The following ULK4 variants were observed in gnomAD, a reference collection of about 807,000 sequenced individuals.
The protein encoded by ULK4 is inactive serine/threonine-protein kinase ULK4.
Under a neutral mutation model 160.6 loss-of-function variants are expected in ULK4, and 133 were observed. The observed-to-expected ratio is 0.83, with a 90% confidence interval of 0.72 to 0.96. The LOEUF (loss-of-function observed/expected upper bound fraction) is 0.96, where lower values mean the gene tolerates loss of function less well. Among genes scored for constraint, ULK4 ranks in the 40% least tolerant of loss-of-function variants. ULK4 has a pLI of 0.00. For synonymous variants in ULK4, 534 were observed against 539.8 expected (o/e 0.99, Z 0.15); for missense variants, 1,580 against 1,499.5 (o/e 1.05, Z -0.89).
chr3:41,742,087 A>C (rs926250795), intron 22 of ULK4, among the ~76,000 whole-genome samples: 1 of 151,894 alleles, frequency 6.6e-6, no homozygotes, highest in Non-Finnish European at 1.5e-5. Flanking sequence ...ACAGAAAATC[A>C]CATACAACCC....
intron 35 of ULK4, among the ~76,000 whole-genome samples, chr3:41,332,105 T>C (rs1045838531): frequency 1.3e-5 from 2 of 152,136 alleles, no homozygotes; most frequent in Non-Finnish European, 2.9e-5. Flanking sequence ...TAAAAGTTCA[T>C]GACTCTTTCT....
chr3:41,625,634 G>A (rs917480303), intron 30 of ULK4, among the ~76,000 whole-genome samples: 4 of 152,164 alleles, frequency 2.6e-5, no homozygotes, highest in Admixed American at 6.5e-5. Context: ...AATAATCATA[G>A]CAGATCTTAC....
intron 34 of ULK4, among the ~76,000 whole-genome samples, chr3:41,449,973 G>A (rs1471253636): frequency 1.3e-5 from 2 of 149,334 alleles, no homozygotes; most frequent in Non-Finnish European, 1.5e-5. Context: ...AGGCACACAT[G>A]ATTCATGTGA....
chr3:41,948,991 T>G (rs375964247), intron 2 of ULK4, among the ~76,000 whole-genome samples: 1 of 151,944 alleles, frequency 6.6e-6, no homozygotes, highest in Non-Finnish European at 1.5e-5. Flanking sequence ...TGTTTGCAAA[T>G]GATGTGATTG....
chr3:41,409,400 T>A (rs2082365480), intron 34 of ULK4, among the ~76,000 whole-genome samples: 1 of 152,060 alleles, frequency 6.6e-6, no homozygotes, highest in Non-Finnish European at 1.5e-5. Context: ...TTCATCAAAA[T>A]CTAAAACTGA....
At chr3:41,390,265 CTTCTTT>C (rs943253238) in intron 35 of ULK4, among the ~76,000 whole-genome samples, 5 of 151,942 alleles carry the variant, frequency 3.3e-5, no homozygotes, top group African/African-American at 1.2e-4. Flanking sequence ...TCTCTCTTTT[CTTCTTT>C]ATTAGTCTTG....
chr3:41,526,104 CT>C (rs2086107570), intron 32 of ULK4, among the ~76,000 whole-genome samples: 1 of 152,178 alleles, frequency 6.6e-6, no homozygotes, highest in Non-Finnish European at 1.5e-5. Context: ...CTCACACTTC[CT>C]TTGTGCTCCT....
intron 32 of ULK4, among the ~76,000 whole-genome samples, chr3:41,491,177 A>G (rs1320192308): frequency 6.6e-6 from 1 of 152,194 alleles, no homozygotes; most frequent in Non-Finnish European, 1.5e-5. Flanking sequence ...GCCCTACCAT[A>G]TTTTTGAATA....
At position 41,918,534 on chromosome 3, in the gene ULK4, G is replaced by A. The variant is rs1699052791; in HGVS notation, c.650C>T (p.Pro217Leu). ...TGAAATACTTTCTGAGAAGAATGGA[G>A]GTTTTCCTGAAATCACATGAAAACT... is the stretch of plus-strand genomic sequence containing the variant. ...CLLYEMFSGK[P>L]PFFSESISEL... The change falls in exon 7 of 37, where the codon CCT becomes CTT. Residue 217 changes from proline to leucine, a missense_variant. Coordinates refer to ENST00000301831, the MANE Select transcript of ULK4 (RefSeq NM_017886.4). 1.9e-6 allele frequency: 3 copies of A among 1,566,092 alleles called. No individual in the cohort carries two copies. The highest frequency in any genetic ancestry group is 2.6e-6 in the Non-Finnish European group (3 of 1,156,520).
At chr3:41,636,970 T>C (rs1314614558) in intron 30 of ULK4, among the ~76,000 whole-genome samples, 1 of 152,234 alleles carries the variant, frequency 6.6e-6, no homozygotes, top group Non-Finnish European at 1.5e-5. Context: ...AATTTTAAAA[T>C]GTATATATTG....
At chr3:41,427,342 A>T (rs1320004103) in intron 34 of ULK4, among the ~76,000 whole-genome samples, 1 of 147,074 alleles carries the variant, frequency 6.8e-6, no homozygotes, top group Non-Finnish European at 1.5e-5. Flanking sequence ...GTACAAAGAG[A>T]AGCTAGTACC....
intron 7 of ULK4, among the ~76,000 whole-genome samples, chr3:41,917,074 G>A (rs1033056868): frequency 3.2e-4 from 49 of 152,052 alleles, no homozygotes; most frequent in Non-Finnish European, 1.3e-4. Flanking sequence ...AAGAATATTT[G>A]CAATCCCTCT....
intron 32 of ULK4, among the ~76,000 whole-genome samples, chr3:41,477,961 T>G (rs1213661018): frequency 6.6e-6 from 1 of 152,240 alleles, no homozygotes; most frequent in African/African-American, 2.4e-5. Flanking sequence ...TTGGCATAAG[T>G]GCTAATACAA....
intron 30 of ULK4, among the ~76,000 whole-genome samples, chr3:41,630,085 G>A (rs148902240): frequency 7.6e-4 from 116 of 152,298 alleles, no homozygotes; most frequent in African/African-American, 2.6e-3. Flanking sequence ...GGACACCAAT[G>A]GGGCCTTGTA....
intron 35 of ULK4, among the ~76,000 whole-genome samples, chr3:41,299,686 G>C (rs2079743519): frequency 6.6e-6 from 1 of 152,186 alleles, no homozygotes; most frequent in South Asian, 2.1e-4. Context: ...CTTTTGCTAA[G>C]GAGGAATAAC....
At chr3:41,708,285 T>G (rs1172788556) in intron 25 of ULK4, among the ~76,000 whole-genome samples, 2 of 152,108 alleles carry the variant, frequency 1.3e-5, no homozygotes, top group Admixed American at 6.6e-5. Flanking sequence ...TAGAATCAAC[T>G]CAACTGTCCA....
intron 16 of ULK4, among the ~76,000 whole-genome samples, chr3:41,887,348 T>C (rs1559629906): frequency 6.6e-6 from 1 of 152,234 alleles, no homozygotes. Context: ...ACTATTACTA[T>C]ATTAACAGTT....
chr3:41,530,512 C>T (rs1451708639), intron 32 of ULK4, among the ~76,000 whole-genome samples: 5 of 152,110 alleles, frequency 3.3e-5, no homozygotes, highest in African/African-American at 9.7e-5. Context: ...TGTACTAGAA[C>T]CCAACTTTAT....
At chr3:41,893,290 T>C (rs1412659480) in intron 16 of ULK4, among the ~76,000 whole-genome samples, 2 of 152,232 alleles carry the variant, frequency 1.3e-5, no homozygotes, top group African/African-American at 2.4e-5. Context: ...TGGAATATTT[T>C]AAATTATGCA....
Sources: gnomAD v4.1 joint callset for allele counts (sites outside exome capture counted in the v4.1 genomes callset) on GRCh38, gnomAD v4.1.1 for gene constraint, MANE v1.5 for transcripts, NCBI Gene and HGNC (gene_info 2026-07-23, HGNC 2026-07-21) for gene names.